TAFA2: variants seen among roughly 807,000 people sequenced by gnomAD.
TAFA2 encodes the protein TAFA chemokine like family member 2.
A neutral mutation model predicts 18.8 loss-of-function variants in TAFA2; 7 were observed. The observed-to-expected ratio is 0.37, with a 90% CI of 0.21 to 0.70. TAFA2 has a LOEUF of 0.70. TAFA2 is among the 30% of genes least tolerant of loss of function. The probability of loss-of-function intolerance (pLI) is 0.53; values close to 1 mark genes in which losing one functional copy is unlikely to be tolerated. For synonymous variants in TAFA2, 60 were observed against 54.2 expected (o/e 1.11, Z -0.47); for missense variants, 122 against 158.1 (o/e 0.77, Z 1.23).
intron 2 of TAFA2, among the ~76,000 whole-genome samples, chr12:61,757,538 G>A (rs772404456): frequency 2.6e-5 from 4 of 152,084 alleles, no homozygotes; most frequent in Non-Finnish European, 4.4e-5. Flanking sequence ...TACAGAGGCC[G>A]TCTTGAGTGA....
chr12:62,234,617 C>A, intron 1 of TAFA2: 1 of 825,924 alleles, frequency 1.2e-6, no homozygotes, highest in East Asian at 2.4e-5. Context: ...AATAGGGCCT[C>A]TCACCCATGT....
At chr12:62,100,654 TCATCA>T (rs1292980043) in intron 1 of TAFA2, among the ~76,000 whole-genome samples, 1 of 152,194 alleles carries the variant, frequency 6.6e-6, no homozygotes, top group Non-Finnish European at 1.5e-5. Context: ...ACAATGAAGA[TCATCA>T]CTTGTGTACT....
At chr12:62,041,087 T>A (rs966624616) in intron 1 of TAFA2, among the ~76,000 whole-genome samples, 4 of 152,190 alleles carry the variant, frequency 2.6e-5, no homozygotes, top group African/African-American at 9.7e-5. Context: ...GTAGGCAGTA[T>A]CTATATTGTT....
rs372929789 is a variant in TAFA2 at position 61,759,400 on chromosome 12, T to C, written c.107-4376A>G. ...AGGAGAAACTAATATCAATTCTATATGGAAGCTTTAAGAGCTACTGTGTAA... is the reference window on the plus strand; with the variant it reads ...AGGAGAAACTAATATCAATTCTATACGGAAGCTTTAAGAGCTACTGTGTAA... On this transcript the variant is annotated intron_variant, in intron 2 of 4. Transcript: ENST00000416284. Among the ~76,000 whole-genome samples, 6 of 151,328 alleles carry C rather than the reference T, an allele frequency of 4.0e-5. No individual in the cohort carries two copies. In the East Asian group the frequency reaches 9.8e-4, roughly 25 times the overall value.
rs533568784 is a variant in TAFA2 at position 62,210,460 on chromosome 12, A to G, written c.-130+48303T>C. Among the ~76,000 whole-genome samples, 27 of 152,316 alleles carry G rather than the reference A, an allele frequency of 1.8e-4. No individual in the cohort carries two copies. In the South Asian group the frequency reaches 5.4e-3, roughly 30 times the overall value. On this transcript the variant is annotated intron_variant, in intron 1 of 5. Transcript: ENST00000551619. ...ATTTCCTTCATTCAACATTGTCAAA[A>G]TGTTGCTTGAAAAGTTAAGACAGAG...
intron 4 of TAFA2, among the ~76,000 whole-genome samples, chr12:61,746,886 G>A (rs1480680690): frequency 6.6e-6 from 1 of 152,076 alleles, no homozygotes; most frequent in African/African-American, 2.4e-5. Flanking sequence ...GTCTTTTGAA[G>A]AGCTTCTGCA....
chr12:61,761,980 C>G (rs1441528135), intron 2 of TAFA2, among the ~76,000 whole-genome samples: 1 of 151,952 alleles, frequency 6.6e-6, no homozygotes, highest in African/African-American at 2.4e-5. Flanking sequence ...TAGCACCTCC[C>G]CTCTTGCTCT....
At chr12:61,724,795 G>GTATA (rs1188394943) in intron 4 of TAFA2, among the ~76,000 whole-genome samples, 203 of 83,636 alleles carry the variant, frequency 2.4e-3, no homozygotes, top group Middle Eastern at 6.2e-3. Context: ...GTGTGTGTGT[G>GTATA]TGTGTGTATA....
chr12:61,822,811 T>C (rs2121055957), intron 2 of TAFA2, among the ~76,000 whole-genome samples: 1 of 152,284 alleles, frequency 6.6e-6, no homozygotes, highest in South Asian at 2.1e-4. Flanking sequence ...ATCACATGTA[T>C]CAATATGTAA....
At chr12:61,880,725 C>A (rs184367279) in intron 1 of TAFA2, 2 of 369,610 alleles carry the variant, frequency 5.4e-6, no homozygotes, top group African/African-American at 2.1e-5. Context: ...GATCGAGACC[C>A]GCGATGGGAA....
intron 2 of TAFA2, among the ~76,000 whole-genome samples, chr12:61,778,055 C>T (rs1163376987): frequency 6.6e-6 from 1 of 151,802 alleles, no homozygotes; most frequent in East Asian, 2.0e-4. Context: ...TGTGAATGAC[C>T]TTGCGCAAGT....
chr12:61,878,928 C>T (rs1333697090), intron 1 of TAFA2, among the ~76,000 whole-genome samples: 1 of 152,152 alleles, frequency 6.6e-6, no homozygotes, highest in Non-Finnish European at 1.5e-5. Flanking sequence ...GATGGAATCA[C>T]CCCTCTTGCA....
intron 2 of TAFA2, among the ~76,000 whole-genome samples, chr12:61,763,935 A>G (rs1225149645): frequency 6.6e-6 from 1 of 151,938 alleles, no homozygotes; most frequent in Non-Finnish European, 1.5e-5. Context: ...TCGTGAGGTA[A>G]CTTGATGATG....
chr12:62,093,774 T>C (rs1868825429), intron 1 of TAFA2, among the ~76,000 whole-genome samples: 1 of 152,024 alleles, frequency 6.6e-6, no homozygotes, highest in Non-Finnish European at 1.5e-5. Flanking sequence ...GAGGGTGTAT[T>C]CTTTTAAAAA....
chr12:62,224,843 T>A (rs2062779166), intron 1 of TAFA2, among the ~76,000 whole-genome samples: 1 of 152,170 alleles, frequency 6.6e-6, no homozygotes, highest in South Asian at 2.1e-4. Flanking sequence ...ACTTAAACAT[T>A]GATAAAATAG....
At chr12:61,921,575 G>A (rs937240145) in intron 1 of TAFA2, among the ~76,000 whole-genome samples, 25 of 152,068 alleles carry the variant, frequency 1.6e-4, no homozygotes, top group African/African-American at 6.0e-4. Context: ...GTATGATTTG[G>A]TATGGGTTTT....
chr12:61,928,030 A>G (rs1331210584), intron 1 of TAFA2, among the ~76,000 whole-genome samples: 1 of 152,242 alleles, frequency 6.6e-6, no homozygotes, highest in Non-Finnish European at 1.5e-5. Flanking sequence ...TTCAAGACTT[A>G]AACATAAAAC....
intron 1 of TAFA2, among the ~76,000 whole-genome samples, chr12:61,981,549 C>CA (rs1465901020): frequency 6.6e-6 from 1 of 152,150 alleles, no homozygotes; most frequent in Admixed American, 6.5e-5. Flanking sequence ...GAAATTCTTG[C>CA]AATCTACCCA....
At chr12:61,985,740 A>T (rs1175133880) in intron 1 of TAFA2, among the ~76,000 whole-genome samples, 1 of 152,222 alleles carries the variant, frequency 6.6e-6, no homozygotes, top group Non-Finnish European at 1.5e-5. Context: ...GCAAAGGATC[A>T]AATTGCATTT....
Sources: allele counts gnomAD v4.1 joint callset (sites outside exome capture counted in the v4.1 genomes callset), GRCh38; gene constraint gnomAD v4.1.1; transcripts MANE v1.5; gene names NCBI Gene and HGNC (gene_info 2026-07-23, HGNC 2026-07-21).